ATXN7L2: variants seen among roughly 807,000 people sequenced by gnomAD.
ATXN7L2 encodes ataxin-7-like protein 2.
In ATXN7L2, 17 loss-of-function variants were observed where a neutral mutation model predicts 59.6. The observed-to-expected ratio is 0.29, with a 90% CI of 0.20 to 0.43. The LOEUF is 0.43. Ranked by LOEUF, ATXN7L2 falls within the 20% of genes least tolerant of loss-of-function variation. The pLI, the probability that ATXN7L2 is intolerant of heterozygous loss-of-function variation, is 1.00. For synonymous variants in ATXN7L2, 378 were observed against 392.5 expected, an observed-to-expected ratio of 0.96 and a Z score of 0.44; for missense variants, 858 against 1,008.9, an observed-to-expected ratio of 0.85 and a Z score of 2.03.
Position 109,489,104 on chromosome 1 carries a change from C to T in ATXN7L2, c.1133+4C>T, listed in dbSNP as rs759464970. 60 of 1,606,630 alleles carry T rather than the reference C, an allele frequency of 3.7e-5. No homozygotes were observed. The highest frequency in any genetic ancestry group is 4.0e-5 in the African/African-American group (3 of 74,766). On this transcript the variant is annotated splice_donor_region_variant and intron_variant, in intron 7 of 10. Coordinates refer to ENST00000683729, the MANE Select transcript of ATXN7L2 (RefSeq NM_001350175.2). Reference sequence around the variant, plus strand: ...ACCCATACTGTGCACTGCCCAGGTACGTCTAGAATCCAACCCCTACCTCAC... The same window carrying T: ...ACCCATACTGTGCACTGCCCAGGTATGTCTAGAATCCAACCCCTACCTCAC...
At position 109,491,281 on chromosome 1, in the gene ATXN7L2, A is replaced by G. The variant is rs542068728; in HGVS notation, c.1814A>G (p.Lys605Arg). 28 of 1,614,240 alleles carry G rather than the reference A, an allele frequency of 1.7e-5. No individual in the cohort carries two copies. In the African/African-American group the frequency reaches 3.3e-4, roughly 19 times the overall value. Residue 605 changes from lysine to arginine, a missense_variant, in exon 10 of 11, where the codon AAG (lysine) becomes AGG (arginine). This residue lies in a region of ATXN7L2 where 734 missense variants were observed against 862.3 expected (regional missense o/e 0.85). Coordinates refer to ENST00000683729, the MANE Select transcript of ATXN7L2 (RefSeq NM_001350175.2). The surrounding 1 kb of genome is among the most constrained non-coding windows in gnomAD (Gnocchi z 4.1). ...VEVEAPSRKR[K>R]LSPGPTTLKR... is the part of the protein sequence containing the mutation. Reference sequence around the variant, plus strand: ...GTGGAGGCCCCTTCTCGAAAGCGGAAGTTATCCCCTGGCCCTACCACTCTT... The same window carrying G: ...GTGGAGGCCCCTTCTCGAAAGCGGAGGTTATCCCCTGGCCCTACCACTCTT...
Position 109,486,548 on chromosome 1 carries a change from A to G in ATXN7L2, c.236A>G (p.Tyr79Cys), listed in dbSNP as rs775149207. Residue 79 changes from tyrosine to cysteine, a missense_variant, in exon 3 of 11, where the codon TAC becomes TGC. Coordinates refer to ENST00000683729, the MANE Select transcript of ATXN7L2 (RefSeq NM_001350175.2). The surrounding 1 kb of genome is among the most constrained non-coding windows in gnomAD (Gnocchi z 4.3). ...CACTGCCCTGCCCATGATGACTTCT[A>G]CTTGGTTGTGTGTAACCACTGCAGC... Reference protein sequence around the residue: ...FGHCPAHDDFYLVVCNHCSQV... With the variant: ...FGHCPAHDDFCLVVCNHCSQV... 3.1e-6 allele frequency: 5 copies of G among 1,614,148 alleles called. No homozygotes were observed. Among genetic ancestry groups the G allele is most frequent in the South Asian group, 1.1e-5 (1 of 91,082 alleles).
chr1:109,489,363 C>T, intron 7 of ATXN7L2: 1 of 519,772 alleles, frequency 1.9e-6, no homozygotes, highest in South Asian at 2.8e-5. Context: ...CTGCCTCCAA[C>T]AGACCGAAAC....
Position 109,488,405 on chromosome 1 carries a change from G to T in ATXN7L2, c.819G>T (p.Arg273Ser). The T allele has an allele frequency of 6.2e-7, 1 of 1,602,460 alleles. No individual in the cohort carries two copies. The highest frequency in any genetic ancestry group is 8.5e-7 in the Non-Finnish European group (1 of 1,172,576). ...KMARKECDLN[R>S]QCGVINPETK... is the part of the protein sequence containing the mutation. ...CAGGGAAGGAGTGCGACCTCAACAGGCAGTGTGGGGTAATAAATCCAGAGA... is the reference window on the plus strand; with the variant it reads ...CAGGGAAGGAGTGCGACCTCAACAGTCAGTGTGGGGTAATAAATCCAGAGA... Residue 273 changes from arginine to serine, a missense_variant, in exon 6 of 11, where the codon AGG becomes AGT. By Grantham distance (110) the Arg-to-Ser change is moderately radical (BLOSUM62 -1). Coordinates refer to ENST00000683729, the MANE Select transcript of ATXN7L2 (RefSeq NM_001350175.2). The surrounding 1 kb of genome is among the most constrained non-coding windows in gnomAD (Gnocchi z 5.0).
At chr1:109,489,255 A>G in intron 7 of ATXN7L2, 155 bp downstream of exon 7, 1 of 1,006,398 alleles carries the variant, frequency 9.9e-7, no homozygotes, top group Non-Finnish European at 1.4e-6. Flanking sequence ...GTGGTGTGGA[A>G]GCAGGAGACT....
chr1:109,491,901 C>G lies in ATXN7L2; in HGVS notation c.2250+184C>G. The G allele has an allele frequency of 8.4e-7, 1 of 1,192,876 alleles. No homozygotes were observed. Among genetic ancestry groups the G allele is most frequent in the Non-Finnish European group, 1.1e-6 (1 of 886,478 alleles). The allele number at this position is 1,192,876 out of a possible 1,614,324, so 73.9% of individuals were successfully genotyped here. ...TAGCAAAGTGACTCCAGCTTTTTGC[C>G]TGGTGAACCTTCCCCTATCCCTAAC... On this transcript the variant is annotated intron_variant, in intron 10 of 10. Transcript: ENST00000683729. The surrounding 1 kb of genome is among the most constrained non-coding windows in gnomAD (Gnocchi z 4.1).
chr1:109,491,478 C>T lies in ATXN7L2; in HGVS notation c.2011C>T (p.Pro671Ser). 6.2e-7 allele frequency: 1 copy of T among 1,614,016 alleles called. No homozygotes were observed. Residue 671 changes from proline to serine, a missense_variant, in exon 10 of 11, where the codon CCA becomes TCA. Around this residue, in one of 3 missense-constraint regions of ATXN7L2, gnomAD observed 734 missense variants for 862.3 expected, o/e 0.85. Transcript: ENST00000683729. This position sits in a 1 kb window ranked among gnomAD's most constrained non-coding sequence, Gnocchi z 4.1. ...TGGCTCCCCTCATCAGCTCCCCACA[C>T]CAGTCAAGGCTTCTCAGCTGGAGAA... The part of the protein sequence containing the change: ...CRGSPHQLPT[P>S]VKASQLENRG...
chr1:109,486,621 C>A lies in ATXN7L2; in HGVS notation c.298+11C>A, dbSNP rs755790617. 13 of 1,606,602 alleles carry A rather than the reference C, an allele frequency of 8.1e-6. No homozygotes were observed. Among genetic ancestry groups the A allele is most frequent in the African/African-American group, 2.7e-5 (2 of 74,632 alleles). On this transcript the variant is annotated intron_variant, in intron 3 of 10. Coordinates refer to ENST00000683729, the MANE Select transcript of ATXN7L2 (RefSeq NM_001350175.2). The surrounding 1 kb of genome is among the most constrained non-coding windows in gnomAD (Gnocchi z 4.3). ...TCCAGAAGCACTGCGGTGAGGGGAG[C>A]CCTAGGGAGGAGATAAAGGGACAGG...
rs761238111 is a variant in ATXN7L2, at chr1:109,490,434, T to G, written c.1454+42T>G. On this transcript the variant is annotated intron_variant, in intron 9 of 10. Coordinates refer to ENST00000683729, the MANE Select transcript of ATXN7L2 (RefSeq NM_001350175.2). ...CAGAATGGAAGTTCTAGAATGGAAA[T>G]TCCTAGGTTCCAGACATACTTGGGC... 112 of 1,601,470 alleles carry G rather than the reference T, an allele frequency of 7.0e-5. No homozygotes were observed. In the East Asian group the frequency reaches 2.5e-3, roughly 35 times the overall value.
At chr1:109,489,512 T>A in intron 7 of ATXN7L2, 1 of 327,530 alleles carries the variant, frequency 3.1e-6, no homozygotes, top group South Asian at 4.2e-5. Flanking sequence ...CACATGCATC[T>A]CTGCCTGTCA....
In ATXN7L2 at chr1:109,487,172, G is replaced by A; in HGVS notation, c.464G>A (p.Ser155Asn). ...AGGGAGAAGGGCCAGGGGTCCCGGA[G>A]CCGTGGCCACCAGCCTCCTGAGAAG... is the stretch of plus-strand genomic sequence containing the variant. ...SSREKGQGSRSRGHQPPEKTQ... is the reference protein window; with the variant it reads ...SSREKGQGSRNRGHQPPEKTQ... Residue 155 changes from serine to asparagine, a missense_variant, in exon 4 of 11, where the codon AGC becomes AAC. Physicochemically the swap from Ser to Asn is conservative, Grantham distance 46 (BLOSUM62 1). This residue lies in a region of ATXN7L2 where 734 missense variants were observed against 862.3 expected (regional missense o/e 0.85). Transcript: ENST00000683729. The A allele has an allele frequency of 6.3e-7, 1 of 1,596,256 alleles. No individual in the cohort carries two copies. The highest frequency in any genetic ancestry group is 2.3e-5 in the East Asian group (1 of 44,360).
Position 109,490,984 on chromosome 1 carries a change from T to TG in ATXN7L2, c.1518dup (p.Ser507GlufsTer47). ...GTCAACTCCCCGTTATCTGCTCCCCTGAGCCCATCCTCTACAGGCACCTGC... is the reference window on the plus strand; with the variant it reads ...GTCAACTCCCCGTTATCTGCTCCCCTGGAGCCCATCCTCTACAGGCACCTGC... On this transcript the variant is annotated frameshift_variant, in exon 10 of 11. Coordinates refer to ENST00000683729, the MANE Select transcript of ATXN7L2 (RefSeq NM_001350175.2). LOFTEE classifies it high-confidence loss of function. The TG allele has an allele frequency of 6.2e-7, 1 of 1,611,982 alleles. No individual in the cohort carries two copies. The highest frequency in any genetic ancestry group is 8.5e-7 in the Non-Finnish European group (1 of 1,178,902).
intron 10 of ATXN7L2, chr1:109,492,104 G>A (rs1249628078): frequency 9.4e-7 from 1 of 1,064,844 alleles, no homozygotes; most frequent in African/African-American, 1.7e-5. Context: ...CGAGCAGCAA[G>A]GTGGGTGGGC....
intron 1 of ATXN7L2, among the ~76,000 whole-genome samples, chr1:109,484,312 A>G (rs1171490623): frequency 6.6e-6 from 1 of 151,842 alleles, no homozygotes; most frequent in Non-Finnish European, 1.5e-5. Flanking sequence ...TGCCTCTGCC[A>G]GTCGCTAATA....
chr1:109,489,013 C>T lies in ATXN7L2; in HGVS notation c.1046C>T (p.Ser349Leu). The change falls in exon 7 of 11, where the codon TCA (serine) becomes TTA (leucine). Residue 349 changes from serine (S) to leucine (L), a missense_variant. This residue lies in a region of ATXN7L2 where 734 missense variants were observed against 862.3 expected (regional missense o/e 0.85). Transcript: ENST00000683729. ...LERPSQELPS[S>L]VQVVAAVAAP... ...CGCCCCTCCCAGGAGCTCCCCTCCT[C>T]AGTCCAGGTTGTAGCAGCGGTGGCT... 1.2e-6 allele frequency: 2 copies of T among 1,614,206 alleles called. No homozygotes were observed. Among genetic ancestry groups the T allele is most frequent in the Non-Finnish European group, 1.7e-6 (2 of 1,180,018 alleles).
chr1:109,489,226 A>G, intron 7 of ATXN7L2, 126 bp downstream of exon 7: 1 of 1,284,832 alleles, frequency 7.8e-7, no homozygotes, highest in Middle Eastern at 2.4e-4. Flanking sequence ...GTGTGGGGGT[A>G]TTCCTGGGGC....
Position 109,491,947 on chromosome 1 carries a change from G to A in ATXN7L2, c.2250+230G>A. On this transcript the variant is annotated intron_variant, in intron 10 of 10. Coordinates refer to ENST00000683729, the MANE Select transcript of ATXN7L2 (RefSeq NM_001350175.2). This position sits in a 1 kb window ranked among gnomAD's most constrained non-coding sequence, Gnocchi z 4.1. Reference sequence around the variant, plus strand: ...CTAACCCTTTCCCTTGGGCTGAGGAGATGCGGCACCCCTCCACCCCTGCTT... The same window carrying A: ...CTAACCCTTTCCCTTGGGCTGAGGAAATGCGGCACCCCTCCACCCCTGCTT... The A allele has an allele frequency of 8.1e-7, 1 of 1,229,998 alleles. No individual in the cohort carries two copies. The highest frequency in any genetic ancestry group is 1.1e-6 in the Non-Finnish European group (1 of 950,532). The allele number at this position is 1,229,998 out of a possible 1,614,324, so 76.2% of individuals were successfully genotyped here.
Position 109,486,694 on chromosome 1 carries a change from C to T in ATXN7L2, c.298+84C>T, listed in dbSNP as rs992500104. ...GAGGACAGGGTCAGTTGGGAGGTCTCGTAGGGTAATGGAGGGTGGTGTTGA... is the reference window on the plus strand; with the variant it reads ...GAGGACAGGGTCAGTTGGGAGGTCTTGTAGGGTAATGGAGGGTGGTGTTGA... On this transcript the variant is annotated intron_variant, in intron 3 of 10. Coordinates refer to ENST00000683729, the MANE Select transcript of ATXN7L2 (RefSeq NM_001350175.2). This position sits in a 1 kb window ranked among gnomAD's most constrained non-coding sequence, Gnocchi z 4.3. 1.4e-5 allele frequency: 17 copies of T among 1,222,158 alleles called. No individual in the cohort carries two copies. In the Admixed American group the frequency reaches 2.5e-4, roughly 18 times the overall value. The allele number at this position is 1,222,158 out of a possible 1,614,324, so 75.7% of individuals were successfully genotyped here.
Position 109,486,335 on chromosome 1 carries a change from C to G in ATXN7L2, c.194-171C>G. 1.1e-6 allele frequency: 1 copy of G among 936,318 alleles called. No homozygotes were observed. Among genetic ancestry groups the G allele is most frequent in the Non-Finnish European group, 1.6e-6 (1 of 639,308 alleles). The allele number at this position is 936,318 out of a possible 1,614,324, so 58.0% of individuals were successfully genotyped here. A position where few individuals can be genotyped will look rare whatever the true frequency, so the allele number is the denominator to read the frequency against. ...TGCCCACTCACCTGAAAGCGTATAC[C>G]CTTTGGGACTGCTTAGATCGAACTC... On this transcript the variant is annotated intron_variant, in intron 2 of 10. Coordinates refer to ENST00000683729, the MANE Select transcript of ATXN7L2 (RefSeq NM_001350175.2). The surrounding 1 kb of genome is among the most constrained non-coding windows in gnomAD (Gnocchi z 4.3).
Sources: gnomAD v4.1 joint callset for allele counts (sites outside exome capture counted in the v4.1 genomes callset) on GRCh38, gnomAD v4.1.1 for gene constraint, gnomAD v4.1.1 regional missense constraint, Gnocchi (gnomAD v3.1) non-coding constraint, MANE v1.5 for transcripts, NCBI Gene and HGNC (gene_info 2026-07-23, HGNC 2026-07-21) for gene names.